EXOC6B: variants seen among roughly 807,000 people sequenced by gnomAD.
The protein encoded by EXOC6B is SEC15 homolog B.
In EXOC6B, 54 loss-of-function variants were observed where a neutral mutation model predicts 113.5. The ratio of observed to expected loss-of-function variants is 0.48; its 90% confidence interval spans 0.38 to 0.60. The LOEUF is 0.60. Among genes scored for constraint, EXOC6B ranks in the 20% least tolerant of loss-of-function variants. EXOC6B has a pLI of 0.00. For synonymous variants in EXOC6B, 357 were observed against 339.0 expected (o/e 1.05, Z -0.58); for missense variants, 797 against 977.5 (o/e 0.82, Z 2.46).
At chr2:72,652,446 A>G (rs970215246) in intron 6 of EXOC6B, among the ~76,000 whole-genome samples, 11 of 152,144 alleles carry the variant, frequency 7.2e-5, no homozygotes, top group African/African-American at 2.2e-4. Flanking sequence ...TATAGGATAC[A>G]TATCGATCAT....
At chr2:72,276,041 G>A (rs1043472598) in intron 20 of EXOC6B, among the ~76,000 whole-genome samples, 22 of 152,134 alleles carry the variant, frequency 1.4e-4, no homozygotes, top group Admixed American at 3.9e-4. Flanking sequence ...GGATGGAGAA[G>A]GAAGAGAGAT....
At chr2:72,524,956 T>C (rs1440444435) in intron 8 of EXOC6B, among the ~76,000 whole-genome samples, 1 of 152,198 alleles carries the variant, frequency 6.6e-6, no homozygotes, top group African/African-American at 2.4e-5. Context: ...TGACCCTTAT[T>C]TGAAGAGAGT....
intron 19 of EXOC6B, among the ~76,000 whole-genome samples, chr2:72,370,824 G>A (rs1690957628): frequency 6.7e-6 from 1 of 148,762 alleles, no homozygotes; most frequent in Non-Finnish European, 1.5e-5. Context: ...AGAACACTTG[G>A]ACACAAGAAG....
chr2:72,649,469 A>G (rs1674001488), intron 6 of EXOC6B, among the ~76,000 whole-genome samples: 1 of 152,218 alleles, frequency 6.6e-6, no homozygotes, highest in African/African-American at 2.4e-5. Context: ...CACGTATCAT[A>G]TAAATATATG....
chr2:72,316,820 A>AG (rs1687539692), intron 20 of EXOC6B, among the ~76,000 whole-genome samples: 1 of 152,188 alleles, frequency 6.6e-6, no homozygotes, highest in Admixed American at 6.5e-5. Flanking sequence ...AGGGACCCAA[A>AG]GGGGGGACAA....
At chr2:72,486,383 A>G (rs1699423763) in intron 16 of EXOC6B, among the ~76,000 whole-genome samples, 1 of 151,972 alleles carries the variant, frequency 6.6e-6, no homozygotes, top group Admixed American at 6.6e-5. Context: ...AAAAAAAAAG[A>G]AAAAGAAAAT....
intron 11 of EXOC6B, among the ~76,000 whole-genome samples, chr2:72,511,102 T>C (rs1403176613): frequency 6.6e-6 from 1 of 152,088 alleles, no homozygotes; most frequent in Non-Finnish European, 1.5e-5. Context: ...TATTATCAGA[T>C]ATATAAATAT....
intron 20 of EXOC6B, among the ~76,000 whole-genome samples, chr2:72,299,454 A>C (rs149641924): frequency 1.5e-3 from 232 of 151,984 alleles, no homozygotes; most frequent in Non-Finnish European, 2.6e-3. Flanking sequence ...GCTTCCTTGC[A>C]TTGGGTTAGA....
At chr2:72,182,410 C>G (rs1678147734) in intron 21 of EXOC6B, among the ~76,000 whole-genome samples, 1 of 152,076 alleles carries the variant, frequency 6.6e-6, no homozygotes, top group African/African-American at 2.4e-5. Flanking sequence ...CATTTAAGCA[C>G]CACCTCAAAG....
intron 8 of EXOC6B, among the ~76,000 whole-genome samples, chr2:72,538,090 T>C (rs1287555855): frequency 1.3e-5 from 2 of 151,396 alleles, no homozygotes; most frequent in Non-Finnish European, 2.9e-5. Context: ...CCAAAGTAAC[T>C]AGGACTGCAG....
chr2:72,209,510 T>A (rs1009407972), intron 20 of EXOC6B, among the ~76,000 whole-genome samples: 5 of 152,178 alleles, frequency 3.3e-5, no homozygotes, highest in African/African-American at 1.2e-4. Context: ...CCAGACCTTG[T>A]CTCCAAAAAT....
At chr2:72,773,598 A>G (rs895809885) in intron 1 of EXOC6B, among the ~76,000 whole-genome samples, 6 of 151,450 alleles carry the variant, frequency 4.0e-5, no homozygotes, top group Admixed American at 1.3e-4. Flanking sequence ...AGAAAGTCGG[A>G]AAAAAAAACT....
intron 18 of EXOC6B, among the ~76,000 whole-genome samples, chr2:72,410,636 A>G (rs1392709367): frequency 1.3e-5 from 2 of 152,238 alleles, no homozygotes; most frequent in East Asian, 1.9e-4. Flanking sequence ...AAAAGATATT[A>G]CTATATTCAT....
At chr2:72,191,604 T>A (rs542926259) in intron 20 of EXOC6B, among the ~76,000 whole-genome samples, 6 of 152,314 alleles carry the variant, frequency 3.9e-5, no homozygotes, top group African/African-American at 1.4e-4. Flanking sequence ...GACTTTCTTT[T>A]TTGCCAGAGT....
At chr2:72,582,692 C>CA (rs1370137835) in intron 6 of EXOC6B, among the ~76,000 whole-genome samples, 3 of 152,048 alleles carry the variant, frequency 2.0e-5, no homozygotes, top group Non-Finnish European at 4.4e-5. Context: ...GGAAGCAGTA[C>CA]AAATATTCTG....
rs1559028209 is a variant in EXOC6B at position 72,818,940 on chromosome 2, T to C, written c.113+6858A>G. On this transcript the variant is annotated intron_variant, in intron 1 of 21. Coordinates refer to ENST00000272427, the MANE Select transcript of EXOC6B (RefSeq NM_015189.3). ...TGAAAGCAATAACCCAGTCATTATG[T>C]AACATTAATCGCTAAATAGCACTAC... 2.6e-5 allele frequency among the ~76,000 whole-genome samples: 4 copies of C among 152,322 alleles called. No homozygotes were observed. The South Asian group carries it at 8.3e-4, about 32-fold the overall frequency.
At chr2:72,521,048 C>G (rs965087516) in intron 8 of EXOC6B, among the ~76,000 whole-genome samples, 1 of 152,080 alleles carries the variant, frequency 6.6e-6, no homozygotes, top group Non-Finnish European at 1.5e-5. Context: ...AAAACTTAAC[C>G]ACCAACATAG....
At chr2:72,710,107 G>A (rs539929396) in intron 6 of EXOC6B, among the ~76,000 whole-genome samples, 1 of 152,120 alleles carries the variant, frequency 6.6e-6, no homozygotes, top group South Asian at 2.1e-4. Flanking sequence ...GGTTTCACCA[G>A]GTGTGAGCCA....
At chr2:72,763,092 G>T (rs1237120375) in intron 1 of EXOC6B, among the ~76,000 whole-genome samples, 2 of 151,536 alleles carry the variant, frequency 1.3e-5, no homozygotes, top group Non-Finnish European at 2.9e-5. Flanking sequence ...AAAATATTTG[G>T]TTGTTCTAAT....
Sources: gnomAD v4.1 joint callset for allele counts (sites outside exome capture counted in the v4.1 genomes callset) on GRCh38, gnomAD v4.1.1 for gene constraint, MANE v1.5 for transcripts, NCBI Gene and HGNC (gene_info 2026-07-23, HGNC 2026-07-21) for gene names.